CUX1: variants seen among roughly 807,000 people sequenced by gnomAD.
CUX1 encodes cut like homeobox 1.
Under a neutral mutation model 158.8 loss-of-function variants are expected in CUX1, and 31 were observed. The ratio of observed to expected loss-of-function variants is 0.20; its 90% confidence interval spans 0.15 to 0.26. The LOEUF (loss-of-function observed/expected upper bound fraction) is 0.26, where lower values mean the gene tolerates loss of function less well. CUX1 is among the 10% of genes least tolerant of loss of function. The pLI, the probability that CUX1 is intolerant of heterozygous loss-of-function variation, is 1.00. For missense variants in CUX1, 1,589 were observed against 2,014.6 expected, an observed-to-expected ratio of 0.79 and a Z score of 4.04; for synonymous variants, 879 against 862.1, an observed-to-expected ratio of 1.02 and a Z score of -0.34.
intron 8 of CUX1, among the ~76,000 whole-genome samples, chr7:102,118,567 C>T (rs977877722): frequency 3.9e-5 from 6 of 151,984 alleles, no homozygotes; most frequent in African/African-American, 7.3e-5. Context: ...TATTTGTTGA[C>T]GGGAATTGGA....
At chr7:102,273,334 C>T (rs782406115) in intron 14 of CUX1, 5 of 1,605,524 alleles carry the variant, frequency 3.1e-6, no homozygotes, top group Non-Finnish European at 4.2e-6. Context: ...CACCAGGCTC[C>T]CTCTGACGGC....
At position 101,972,784 on chromosome 7, in the gene CUX1, A is replaced by G. The variant is rs561566604; in HGVS notation, c.142-55314A>G. ...AGAGGCCACTCCTAGAGAAAGAGAC[A>G]CTGTCAGTAGGTGTCAGGAGGTGTC... On this transcript the variant is annotated intron_variant, in intron 2 of 23. Coordinates refer to ENST00000292535, the MANE Select transcript of CUX1 (RefSeq NM_181552.4). Among the ~76,000 whole-genome samples, 191 of 152,278 alleles carry G rather than the reference A, an allele frequency of 1.3e-3. 1 individual carries two copies. Among genetic ancestry groups the G allele is most frequent in the East Asian group, 2.7e-3 (14 of 5,170 alleles).
intron 3 of CUX1, among the ~76,000 whole-genome samples, chr7:102,051,258 A>G (rs1823457601): frequency 6.6e-6 from 1 of 152,064 alleles, no homozygotes. Flanking sequence ...CCCACCACGA[A>G]TAAAGATGAT....
intron 2 of CUX1, among the ~76,000 whole-genome samples, chr7:101,957,797 C>T (rs1453305278): frequency 6.6e-6 from 1 of 152,026 alleles, no homozygotes; most frequent in African/African-American, 2.4e-5. Flanking sequence ...AGAAAATGTC[C>T]AAGTCTGCAA....
chr7:102,204,681 C>G, intron 19 of CUX1, 125 bp downstream of exon 19: 1 of 1,264,916 alleles, frequency 7.9e-7, no homozygotes. Flanking sequence ...GCCAACCACA[C>G]TCCCCACCGT....
At position 102,012,334 on chromosome 7, in the gene CUX1, C is replaced by T. The variant is rs568749970; in HGVS notation, c.142-15764C>T. ...TCCCAAGTAGCTGGGACTATAGGTG[C>T]GTGCCACCATGCCTGGCTAATTTTT... On this transcript the variant is annotated intron_variant, in intron 2 of 23. Transcript: ENST00000292535. 2.0e-3 allele frequency among the ~76,000 whole-genome samples: 306 copies of T among 152,086 alleles called. 1 individual carries two copies. Among genetic ancestry groups the T allele is most frequent in the African/African-American group, 7.1e-3 (293 of 41,490 alleles).
At chr7:102,026,977 A>G (rs1457820213) in intron 2 of CUX1, among the ~76,000 whole-genome samples, 1 of 152,128 alleles carries the variant, frequency 6.6e-6, no homozygotes, top group Non-Finnish European at 1.5e-5. Context: ...GCATGCACCT[A>G]TGGGATGTCC....
At chr7:102,272,224 T>G (rs1791266963) in intron 14 of CUX1, among the ~76,000 whole-genome samples, 4 of 152,108 alleles carry the variant, frequency 2.6e-5, no homozygotes, top group Admixed American at 2.6e-4. Context: ...CAGGAGCATG[T>G]GGGGGTGAGG....
At chr7:102,060,594 C>CACACACACATATATACATATATATATAT (rs1824712186) in intron 3 of CUX1, among the ~76,000 whole-genome samples, 2 of 88,628 alleles carry the variant, frequency 2.3e-5, no homozygotes, top group Non-Finnish European at 2.4e-5. Context: ...TATATATATA[C>CACACACACATATATACATATATATATAT]ACACACACAA....
chr7:102,191,327 G>A (rs1041423271), intron 12 of CUX1, among the ~76,000 whole-genome samples: 6 of 152,098 alleles, frequency 3.9e-5, no homozygotes, highest in East Asian at 1.9e-4. Flanking sequence ...TCCGCCTCCC[G>A]AGTTCAAGCG....
intron 2 of CUX1, chr7:101,959,342 C>G (rs747827332): frequency 6.6e-6 from 1 of 152,030 alleles, no homozygotes; most frequent in Non-Finnish European, 1.5e-5. Flanking sequence ...CAATACTCCT[C>G]TCCCCTTTTT....
intron 2 of CUX1, among the ~76,000 whole-genome samples, chr7:101,990,555 T>G (rs1814971399): frequency 6.6e-6 from 1 of 152,132 alleles, no homozygotes; most frequent in African/African-American, 2.4e-5. Context: ...TTCTGTATTT[T>G]TAGTAGAGAT....
intron 1 of CUX1, among the ~76,000 whole-genome samples, chr7:101,891,522 G>A (rs1235212919): frequency 1.3e-5 from 2 of 152,196 alleles, no homozygotes; most frequent in Non-Finnish European, 2.9e-5. Context: ...CTCACACCCA[G>A]CCAGGACTGG....
At chr7:102,179,138 C>T (rs913492999) in intron 11 of CUX1, among the ~76,000 whole-genome samples, 5 of 152,210 alleles carry the variant, frequency 3.3e-5, no homozygotes, top group Non-Finnish European at 7.3e-5. Context: ...ACCTCCACCT[C>T]CCAGGTTCAA....
At chr7:102,182,253 G>A (rs550339471) in intron 11 of CUX1, among the ~76,000 whole-genome samples, 38 of 152,294 alleles carry the variant, frequency 2.5e-4, no homozygotes, top group African/African-American at 8.4e-4. Flanking sequence ...CTTGGGGAGA[G>A]GGCATTTCCC....
chr7:102,148,652 A>G (rs1835268822), intron 8 of CUX1, among the ~76,000 whole-genome samples: 1 of 149,020 alleles, frequency 6.7e-6, no homozygotes, highest in African/African-American at 2.4e-5. Context: ...ATGTATATAT[A>G]TAATGTATTT....
chr7:102,272,603 G>C (rs540464852), intron 14 of CUX1, among the ~76,000 whole-genome samples: 1 of 152,368 alleles, frequency 6.6e-6, no homozygotes, highest in Non-Finnish European at 1.5e-5. Flanking sequence ...CTCACCCTCA[G>C]GGCTGCCTGG....
At chr7:101,895,549 G>A (rs565362358) in intron 1 of CUX1, among the ~76,000 whole-genome samples, 4 of 152,280 alleles carry the variant, frequency 2.6e-5, no homozygotes, top group South Asian at 2.1e-4. Context: ...GTCCATAGGG[G>A]TGGGATGTCA....
At chr7:102,029,125 T>C (rs1820415883) in intron 3 of CUX1, among the ~76,000 whole-genome samples, 1 of 150,874 alleles carries the variant, frequency 6.6e-6, no homozygotes, top group Non-Finnish European at 1.5e-5. Context: ...CCCCAGCAAA[T>C]GAGATTGCAG....
Sources: allele counts gnomAD v4.1 joint callset (sites outside exome capture counted in the v4.1 genomes callset), GRCh38; gene constraint gnomAD v4.1.1; transcripts MANE v1.5; gene names NCBI Gene and HGNC (gene_info 2026-07-23, HGNC 2026-07-21).